Variants in ANKS1B observed in about 807,000 individuals in gnomAD.
ANKS1B encodes ankyrin repeat and sterile alpha motif domain-containing protein 1B.
In ANKS1B, 36 loss-of-function variants were observed where a neutral mutation model predicts 148.3. The observed-to-expected ratio is 0.24, with a 90% CI of 0.19 to 0.32. The LOEUF is 0.32. Among genes scored for constraint, ANKS1B ranks in the 10% least tolerant of loss-of-function variants. ANKS1B has a pLI of 1.00. For missense variants in ANKS1B, 1,157 were observed against 1,542.6 expected (o/e 0.75, Z 4.19); for synonymous variants, 542 against 560.8 (o/e 0.97, Z 0.47).
downstream of ANKS1B, among the ~76,000 whole-genome samples, chr12:98,741,760 C>T (rs929939263): frequency 5.6e-4 from 85 of 152,212 alleles, no homozygotes; most frequent in Non-Finnish European, 1.0e-3. Flanking sequence ...TCCTCTCAGA[C>T]AACTCAGCAT....
chr12:99,651,902 T>C (rs1427065612), intron 9 of ANKS1B, among the ~76,000 whole-genome samples: 1 of 151,836 alleles, frequency 6.6e-6, no homozygotes, highest in South Asian at 2.1e-4. Context: ...AAATTGTGTA[T>C]GTGTGTATGT....
intron 14 of ANKS1B, among the ~76,000 whole-genome samples, chr12:99,201,095 C>T (rs186197043): frequency 1.3e-5 from 2 of 152,154 alleles, no homozygotes; most frequent in Admixed American, 1.3e-4. Context: ...ATAAGGAGGG[C>T]TTTGACATGC....
chr12:99,367,506 T>G (rs1205976357), intron 12 of ANKS1B, among the ~76,000 whole-genome samples: 1 of 152,186 alleles, frequency 6.6e-6, no homozygotes, highest in Non-Finnish European at 1.5e-5. Context: ...GATTTTCTTT[T>G]GACCTAGGAA....
intron 17 of ANKS1B, among the ~76,000 whole-genome samples, chr12:98,896,010 G>GT (rs2099764144): frequency 6.6e-6 from 1 of 152,128 alleles, no homozygotes; most frequent in African/African-American, 2.4e-5. Context: ...AGTTCCATCC[G>GT]TAAGTGTGAG....
At chr12:99,052,102 C>G (rs1399144854) in intron 17 of ANKS1B, among the ~76,000 whole-genome samples, 7 of 152,144 alleles carry the variant, frequency 4.6e-5, no homozygotes, top group Non-Finnish European at 1.0e-4. Flanking sequence ...GAAATGTGTG[C>G]TATGCCAAAT....
At chr12:99,523,206 C>T (rs1038500345) in intron 9 of ANKS1B, among the ~76,000 whole-genome samples, 6 of 152,098 alleles carry the variant, frequency 3.9e-5, no homozygotes, top group Non-Finnish European at 7.4e-5. Context: ...CTGGGGCTGA[C>T]ACTTGAGGAG....
chr12:99,831,704 T>A (rs1413679126), intron 1 of ANKS1B, among the ~76,000 whole-genome samples: 1 of 151,512 alleles, frequency 6.6e-6, no homozygotes, highest in Non-Finnish European at 1.5e-5. Context: ...TGGCTTGAGC[T>A]CCTACTGATC....
Position 99,767,035 on chromosome 12 carries a change from G to A in ANKS1B, c.1128+5887C>T, listed in dbSNP as rs368267711. On this transcript the variant is annotated intron_variant, in intron 8 of 26. Coordinates refer to ENST00000683438, the MANE Select transcript of ANKS1B (RefSeq NM_001352186.2). ...TTGATGAATTTTAGAACTAAATTAAGTATATTTTCCAAAAGTAGGGACCTC... is the reference window on the plus strand; with the variant it reads ...TTGATGAATTTTAGAACTAAATTAAATATATTTTCCAAAAGTAGGGACCTC... Among the ~76,000 whole-genome samples the A allele has an allele frequency of 1.7e-3, 256 of 152,096 alleles. 7 individuals are homozygous for A. The South Asian group carries it at 0.05, about 30-fold the overall frequency.
At chr12:99,784,623 C>T (rs1010150765) in intron 4 of ANKS1B, among the ~76,000 whole-genome samples, 1 of 152,160 alleles carries the variant, frequency 6.6e-6, no homozygotes, top group Non-Finnish European at 1.5e-5. Flanking sequence ...TGAATAAGAA[C>T]CATGTGGAGA....
intron 1 of ANKS1B, among the ~76,000 whole-genome samples, chr12:99,972,743 T>G (rs1258844459): frequency 3.9e-5 from 6 of 152,164 alleles, no homozygotes; most frequent in Admixed American, 3.9e-4. Flanking sequence ...ACAACAAAAT[T>G]TCAGTGTAGA....
intron 14 of ANKS1B, among the ~76,000 whole-genome samples, chr12:99,207,767 G>C (rs1326720781): frequency 4.6e-5 from 7 of 152,146 alleles, no homozygotes; most frequent in East Asian, 1.9e-4. Context: ...AGGTATGAAA[G>C]ATGTGTTTTT....
intron 15 of ANKS1B, among the ~76,000 whole-genome samples, chr12:99,153,743 G>A (rs1176577150): frequency 6.6e-6 from 1 of 152,112 alleles, no homozygotes; most frequent in Non-Finnish European, 1.5e-5. Flanking sequence ...ATCAGCAAGT[G>A]GAAGTAAACG....
intron 15 of ANKS1B, among the ~76,000 whole-genome samples, chr12:99,150,560 G>T (rs1484851894): frequency 6.6e-6 from 1 of 152,062 alleles, no homozygotes; most frequent in East Asian, 1.9e-4. Context: ...AGAGAATACA[G>T]ATGAGCAAAG....
intron 14 of ANKS1B, among the ~76,000 whole-genome samples, chr12:99,186,169 G>A (rs926813216): frequency 6.6e-6 from 1 of 152,182 alleles, no homozygotes; most frequent in African/African-American, 2.4e-5. Flanking sequence ...TAAAGCTGCT[G>A]TAGCCACACT....
chr12:99,654,759 T>C (rs1280566804), intron 9 of ANKS1B, among the ~76,000 whole-genome samples: 1 of 152,194 alleles, frequency 6.6e-6, no homozygotes, highest in East Asian at 1.9e-4. Context: ...TTTTTAAAAA[T>C]AGCATTCTTT....
chr12:98,781,239 G>T, intron 23 of ANKS1B, 36 bp from the exon 24 acceptor site: 1 of 1,367,924 alleles, frequency 7.3e-7, no homozygotes, highest in Non-Finnish European at 1.0e-6. Context: ...AGAGCAGTTT[G>T]TGTTGCGTGG....
At chr12:99,056,014 A>T (rs1435975840) in intron 16 of ANKS1B, among the ~76,000 whole-genome samples, 1 of 152,212 alleles carries the variant, frequency 6.6e-6, no homozygotes, top group East Asian at 1.9e-4. Context: ...GGAGGGAAAT[A>T]TTTGGTGGGA....
chr12:98,954,086 C>T (rs761610701), intron 17 of ANKS1B, among the ~76,000 whole-genome samples: 5 of 152,190 alleles, frequency 3.3e-5, no homozygotes, highest in African/African-American at 4.8e-5. Flanking sequence ...GGGGCTCTGC[C>T]TCAGACCTGC....
intron 6 of ANKS1B, among the ~76,000 whole-genome samples, chr12:99,779,440 C>A (rs1393643517): frequency 6.6e-6 from 1 of 152,034 alleles, no homozygotes; most frequent in Non-Finnish European, 1.5e-5. Context: ...CCCTTATGTG[C>A]AAAAGTAAAA....
Sources: gnomAD v4.1 joint callset for allele counts (sites outside exome capture counted in the v4.1 genomes callset) on GRCh38, gnomAD v4.1.1 for gene constraint, MANE v1.5 for transcripts, NCBI Gene and HGNC (gene_info 2026-07-23, HGNC 2026-07-21) for gene names.